Variants in R3HDM1 observed in about 807,000 individuals in gnomAD.
R3HDM1 encodes the protein R3H domain-containing protein 1.
In R3HDM1, 46 loss-of-function variants were observed where a neutral mutation model predicts 141.1. The observed-to-expected ratio is 0.33, with a 90% CI of 0.26 to 0.42. The LOEUF (loss-of-function observed/expected upper bound fraction) is 0.42. R3HDM1 is among the 10% of genes least tolerant of loss of function. The pLI is 1.00. For missense variants in R3HDM1, 1,184 were observed against 1,368.3 expected (o/e 0.87, Z 2.12); for synonymous variants, 435 against 472.9 (o/e 0.92, Z 1.04).
At chr2:135,629,087 C>T (rs1379975523) in intron 7 of R3HDM1, among the ~76,000 whole-genome samples, 8 of 152,000 alleles carry the variant, frequency 5.3e-5, no homozygotes, top group Admixed American at 5.2e-4. Flanking sequence ...GAGGCCGAGG[C>T]GGGTGGATCA....
At chr2:135,577,414 CAAAAAAAAAAA>C (rs35038268) in intron 1 of R3HDM1, among the ~76,000 whole-genome samples, 18 of 15,798 alleles carry the variant, frequency 1.1e-3, no homozygotes, top group African/African-American at 2.1e-3. Context: ...ATTAAATGAC[CAAAAAAAAAAA>C]AAAAAAAAAA....
At chr2:135,565,315 GAAA>G (rs557922201) in intron 1 of R3HDM1, among the ~76,000 whole-genome samples, 1 of 143,304 alleles carries the variant, frequency 7.0e-6, no homozygotes, top group African/African-American at 2.6e-5. Context: ...CCTTGCCAAT[GAAA>G]AAAAATTATT....
intron 3 of R3HDM1, 111 bp downstream of exon 3, chr2:135,605,127 C>T (rs751322642): frequency 5.7e-5 from 52 of 919,116 alleles, no homozygotes; most frequent in Non-Finnish European, 8.1e-5. Flanking sequence ...GTTGACCCTT[C>T]GTGACATGCT....
intron 6 of R3HDM1, chr2:135,621,904 T>C: frequency 1.0e-6 from 1 of 978,210 alleles, no homozygotes; most frequent in Non-Finnish European, 1.2e-6. Context: ...TATTGATTCA[T>C]CTAAGGATAC....
intron 21 of R3HDM1, among the ~76,000 whole-genome samples, chr2:135,704,890 T>C (rs1331826513): frequency 3.3e-5 from 5 of 152,240 alleles, no homozygotes; most frequent in African/African-American, 1.2e-4. Context: ...TTTATGAATA[T>C]ACAATAATAT....
intron 1 of R3HDM1, among the ~76,000 whole-genome samples, chr2:135,546,126 A>T (rs1698648984): frequency 6.6e-6 from 1 of 152,234 alleles, no homozygotes; most frequent in African/African-American, 2.4e-5. Flanking sequence ...TATTCTAGTG[A>T]CAAGAGCGCA....
chr2:135,638,478 T>A, intron 11 of R3HDM1, 140 bp from the exon 12 acceptor site: 1 of 799,342 alleles, frequency 1.3e-6, no homozygotes, highest in Non-Finnish European at 1.9e-6. Context: ...AAAAATTCCA[T>A]TATTATTTAT....
intron 24 of R3HDM1, among the ~76,000 whole-genome samples, chr2:135,717,723 T>C (rs761277178): frequency 2.6e-4 from 40 of 152,330 alleles, no homozygotes; most frequent in Admixed American, 9.1e-4. Flanking sequence ...ACAGAGCTAC[T>C]AAAATTCTCA....
At chr2:135,602,767 A>G in intron 2 of R3HDM1, 59 bp downstream of exon 2, 1 of 1,349,820 alleles carries the variant, frequency 7.4e-7, no homozygotes, top group African/African-American at 1.5e-5. Flanking sequence ...CACCTATAAA[A>G]AGCAAGAAGC....
chr2:135,700,955 A>G (rs1169853560), intron 21 of R3HDM1, among the ~76,000 whole-genome samples: 1 of 152,178 alleles, frequency 6.6e-6, no homozygotes, highest in African/African-American at 2.4e-5. Flanking sequence ...TGTATGTACT[A>G]TGTTTTTTCC....
chr2:135,598,840 C>T (rs1365377777), intron 1 of R3HDM1, among the ~76,000 whole-genome samples: 1 of 152,136 alleles, frequency 6.6e-6, no homozygotes. Context: ...CCATCCTTTT[C>T]TTTCCTTTGA....
chr2:135,661,898 T>C (rs543641048), intron 19 of R3HDM1, among the ~76,000 whole-genome samples: 2 of 152,368 alleles, frequency 1.3e-5, no homozygotes, highest in South Asian at 4.1e-4. Flanking sequence ...AGTTTATTGA[T>C]TGATAGTGAA....
intron 19 of R3HDM1, among the ~76,000 whole-genome samples, chr2:135,668,832 T>C (rs2067908296): frequency 6.6e-6 from 1 of 152,220 alleles, no homozygotes; most frequent in South Asian, 2.1e-4. Context: ...AAAACTCTGC[T>C]AGACTAATCT....
chr2:135,674,322 A>G (rs2068821365), intron 19 of R3HDM1, among the ~76,000 whole-genome samples: 1 of 152,238 alleles, frequency 6.6e-6, no homozygotes, highest in South Asian at 2.1e-4. Flanking sequence ...TGGTATTATC[A>G]GGGAAACAAT....
Position 135,641,584 on chromosome 2 carries a change from A to G in R3HDM1, c.1268A>G (p.His423Arg). The change falls in exon 15 of 27, where the codon CAC becomes CGC. Residue 423 changes from histidine to arginine, a missense_variant. Physicochemically the swap from His to Arg is conservative, Grantham distance 29. Around this residue, in one of 5 missense-constraint regions of R3HDM1, gnomAD observed 240 missense variants for 312.3 expected, o/e 0.77. Transcript: ENST00000683871. Reference protein sequence around the residue: ...SVGSSTGSLSHIQQPLPGTAL... With the variant: ...SVGSSTGSLSRIQQPLPGTAL... The stretch of plus-strand genomic sequence containing the variant: ...GGGTCATCTACAGGCTCTCTTTCTC[A>G]CATCCAGCAGCCTCTTCCAGGTACA... The G allele has an allele frequency of 6.2e-7, 1 of 1,614,004 alleles. No homozygotes were observed. The highest frequency in any genetic ancestry group is 8.5e-7 in the Non-Finnish European group (1 of 1,179,940).
At position 135,604,960 on chromosome 2, in the gene R3HDM1, G is replaced by T; in HGVS notation, c.115G>T (p.Gly39Trp). The part of the protein sequence containing the change: ...VENLIKSENY[G>W]KILVEKNEHC... ...AAATCTTATCAAATCAGAAAACTAT[G>T]GGAAGATTTTGGTAGAGAAGAATGA... The change falls in exon 3 of 27, where the codon GGG becomes TGG. Residue 39 changes from glycine (G) to tryptophan (W), a missense_variant. By Grantham distance (184) the Gly-to-Trp change is radical. Around this residue, in one of 5 missense-constraint regions of R3HDM1, gnomAD observed 192 missense variants for 215.7 expected, o/e 0.89. Transcript: ENST00000683871. 1 of 1,612,368 alleles carries T rather than the reference G, an allele frequency of 6.2e-7. No homozygotes were observed. Among genetic ancestry groups the T allele is most frequent in the South Asian group, 1.1e-5 (1 of 90,966 alleles).
intron 20 of R3HDM1, among the ~76,000 whole-genome samples, chr2:135,675,953 G>T (rs1247048702): frequency 6.6e-6 from 1 of 152,188 alleles, no homozygotes; most frequent in Non-Finnish European, 1.5e-5. Flanking sequence ...GGAAGTATGT[G>T]CAGTTTCCTG....
intron 23 of R3HDM1, among the ~76,000 whole-genome samples, chr2:135,711,644 G>A (rs1015882793): frequency 8.3e-5 from 11 of 133,308 alleles, no homozygotes; most frequent in African/African-American, 2.0e-4. Flanking sequence ...TAGCAACAGA[G>A]GGAGACCCCA....
At position 135,604,712 on chromosome 2, in the gene R3HDM1, A is replaced by G. The variant is rs971485272; in HGVS notation, c.-40-94A>G. The G allele has an allele frequency of 5.2e-6, 5 of 968,100 alleles. No homozygotes were observed. In the African/African-American group the frequency reaches 6.6e-5, roughly 13 times the overall value. The allele number at this position is 968,100 out of a possible 1,614,324, so 60.0% of individuals were successfully genotyped here. ...AGAATTTTGTTCCTGTCTATATTCA[A>G]CATTATTTCTGGAACATAACAGACA... On this transcript the variant is annotated intron_variant, in intron 2 of 26. Coordinates refer to ENST00000683871, the MANE Select transcript of R3HDM1 (RefSeq NM_001378107.1).
Sources: allele counts gnomAD v4.1 joint callset (sites outside exome capture counted in the v4.1 genomes callset), GRCh38; gene constraint gnomAD v4.1.1; regional missense constraint gnomAD v4.1.1; transcripts MANE v1.5; gene names NCBI Gene and HGNC (gene_info 2026-07-23, HGNC 2026-07-21).